The following NFIA variants were observed in gnomAD, a reference collection of about 807,000 sequenced individuals.
NFIA encodes the protein nuclear factor I A.
In NFIA, 8 loss-of-function variants were observed where a neutral mutation model predicts 62.8. The ratio of observed to expected loss-of-function variants is 0.13; its 90% CI spans 0.07 to 0.23. The LOEUF (loss-of-function observed/expected upper bound fraction) is 0.23, where lower values mean the gene tolerates loss of function less well. Among genes scored for constraint, NFIA ranks in the 10% least tolerant of loss-of-function variants. The pLI, the probability that NFIA is intolerant of heterozygous loss-of-function variation, is 1.00. For missense variants in NFIA, 410 were observed against 642.1 expected, an observed-to-expected ratio of 0.64 and a Z score of 3.91; for synonymous variants, 235 against 238.1, an observed-to-expected ratio of 0.99 and a Z score of 0.12.
chr1:61,306,646 T>C (rs1659820030), intron 3 of NFIA, among the ~76,000 whole-genome samples: 1 of 152,182 alleles, frequency 6.6e-6, no homozygotes, highest in South Asian at 2.1e-4. Flanking sequence ...ACTTCTTCTT[T>C]ACCACTTACC....
intron 6 of NFIA, among the ~76,000 whole-genome samples, chr1:61,376,193 A>AT (rs1664142298): frequency 6.6e-6 from 1 of 152,180 alleles, no homozygotes; most frequent in African/African-American, 2.4e-5. Context: ...ACATTACTGA[A>AT]TTCTAAATAA....
At chr1:61,186,008 A>G (rs1651153753) in intron 2 of NFIA, among the ~76,000 whole-genome samples, 1 of 152,210 alleles carries the variant, frequency 6.6e-6, no homozygotes, top group Non-Finnish European at 1.5e-5. Flanking sequence ...CACTTTTCCT[A>G]ATCACATTGG....
chr1:61,366,399 C>A (rs961609170), intron 6 of NFIA, among the ~76,000 whole-genome samples: 11 of 152,226 alleles, frequency 7.2e-5, no homozygotes, highest in Admixed American at 1.3e-4. Flanking sequence ...CTTAAATTTT[C>A]TCCTGTAGAA....
chr1:61,267,644 A>C (rs1570481195), intron 2 of NFIA, among the ~76,000 whole-genome samples: 1 of 152,146 alleles, frequency 6.6e-6, no homozygotes, highest in Non-Finnish European at 1.5e-5. Context: ...CCTAACCACT[A>C]CCACCGCCAG....
intron 2 of NFIA, among the ~76,000 whole-genome samples, chr1:61,264,446 C>T (rs1443007144): frequency 6.6e-6 from 1 of 151,580 alleles, no homozygotes; most frequent in Non-Finnish European, 1.5e-5. Flanking sequence ...GAGTTCAGGA[C>T]CAGCCTAGCC....
chr1:61,420,887 C>T (rs1342402998), intron 9 of NFIA, among the ~76,000 whole-genome samples: 1 of 152,120 alleles, frequency 6.6e-6, no homozygotes, highest in Non-Finnish European at 1.5e-5. Context: ...GGCTTCTTGC[C>T]CGTCATTTTC....
chr1:61,433,869 A>C (rs913062906), intron 10 of NFIA, among the ~76,000 whole-genome samples: 5 of 152,160 alleles, frequency 3.3e-5, no homozygotes, highest in Non-Finnish European at 5.9e-5. Flanking sequence ...TTCTGATTCC[A>C]CGTGTCCTAT....
At chr1:61,354,187 C>T (rs977129741) in intron 5 of NFIA, among the ~76,000 whole-genome samples, 4 of 152,194 alleles carry the variant, frequency 2.6e-5, no homozygotes, top group Non-Finnish European at 1.5e-5. Context: ...GTGTCGTTCT[C>T]ATATTCTGCA....
intron 2 of NFIA, among the ~76,000 whole-genome samples, chr1:61,160,974 G>A (rs1649158802): frequency 6.6e-6 from 1 of 152,182 alleles, no homozygotes; most frequent in Non-Finnish European, 1.5e-5. Context: ...GAGTGCAGTG[G>A]CACAATCTCA....
chr1:61,197,384 G>A (rs929108908), intron 2 of NFIA, among the ~76,000 whole-genome samples: 35 of 151,320 alleles, frequency 2.3e-4, no homozygotes, highest in African/African-American at 8.3e-4. Context: ...GATTACAGGC[G>A]CCTGCCACCA....
intron 2 of NFIA, among the ~76,000 whole-genome samples, chr1:61,246,564 G>A (rs1344058757): frequency 6.6e-6 from 1 of 151,088 alleles, no homozygotes; most frequent in African/African-American, 2.4e-5. Context: ...AAAAATGAAG[G>A]GATTAGACTA....
chr1:61,315,652 C>G (rs1296152917), intron 3 of NFIA, among the ~76,000 whole-genome samples: 1 of 152,112 alleles, frequency 6.6e-6, no homozygotes, highest in Non-Finnish European at 1.5e-5. Flanking sequence ...TGCCCTACTT[C>G]TGAACAAGCA....
chr1:61,240,652 T>G (rs1221842439), intron 2 of NFIA, among the ~76,000 whole-genome samples: 1 of 152,134 alleles, frequency 6.6e-6, no homozygotes, highest in African/African-American at 2.4e-5. Context: ...ATTTTCAAAT[T>G]ACTAGATTGT....
chr1:61,249,863 T>C (rs1047296306), intron 2 of NFIA: 6 of 152,144 alleles, frequency 3.9e-5, no homozygotes, highest in Non-Finnish European at 5.9e-5. Flanking sequence ...TGCTGACAGT[T>C]TGAGTACACA....
At position 61,124,379 on chromosome 1, in the gene NFIA, T is replaced by C. The variant is rs75350103; in HGVS notation, c.559+35699T>C. Among the ~76,000 whole-genome samples the C allele has an allele frequency of 3.2e-3, 489 of 152,288 alleles. 1 individual carries two copies. The highest frequency in any genetic ancestry group is 6.0e-3 in the Non-Finnish European group (405 of 68,028). The stretch of plus-strand genomic sequence containing the variant: ...ATGGAAACATACTGTGGTTGAACGA[T>C]GTAGAGAGTGTTGTATATGAGATAT... On this transcript the variant is annotated intron_variant, in intron 2 of 10. Transcript: ENST00000403491.
chr1:61,390,331 CAA>C (rs369484896), intron 7 of NFIA, among the ~76,000 whole-genome samples: 1 of 145,842 alleles, frequency 6.9e-6, no homozygotes, highest in Admixed American at 6.9e-5. Flanking sequence ...CTTTATGAGT[CAA>C]AAAAAAAAAT....
chr1:61,127,444 A>G (rs1646996016), intron 2 of NFIA, among the ~76,000 whole-genome samples: 1 of 151,904 alleles, frequency 6.6e-6, no homozygotes, highest in Non-Finnish European at 1.5e-5. Flanking sequence ...CCTGGGTGAC[A>G]GGGCAAGATT....
chr1:61,406,459 T>G, intron 8 of NFIA, 103 bp from the exon 9 acceptor site: 1 of 957,824 alleles, frequency 1.0e-6, no homozygotes. Flanking sequence ...TAATTTACAT[T>G]AAAGGTGCCT....
intron 3 of NFIA, among the ~76,000 whole-genome samples, chr1:61,324,181 A>G (rs905937351): frequency 6.6e-6 from 1 of 152,198 alleles, no homozygotes; most frequent in Non-Finnish European, 1.5e-5. Flanking sequence ...CTTTAGAAGG[A>G]TGAGAATGTA....
Sources: allele counts gnomAD v4.1 joint callset (sites outside exome capture counted in the v4.1 genomes callset), GRCh38; gene constraint gnomAD v4.1.1; transcripts MANE v1.5; gene names NCBI Gene and HGNC (gene_info 2026-07-23, HGNC 2026-07-21).